The following YBEY variants were observed in gnomAD, a reference collection of about 807,000 sequenced individuals.
The protein encoded by YBEY is endoribonuclease YbeY.
In YBEY, 15 loss-of-function variants were observed where a neutral mutation model predicts 13.5. The ratio of observed to expected loss-of-function variants is 1.11; its 90% CI spans 0.75 to 1.72. The LOEUF (loss-of-function observed/expected upper bound fraction) is 1.72, where lower values mean the gene tolerates loss of function less well. YBEY is among the 40% of genes most tolerant of loss of function. The pLI, the probability that YBEY is intolerant of heterozygous loss-of-function variation, is 0.00. For synonymous variants in YBEY, 101 were observed against 83.1 expected, an observed-to-expected ratio of 1.21 and a Z score of -1.17; for missense variants, 244 against 208.4, an observed-to-expected ratio of 1.17 and a Z score of -1.05.
chr21:46,298,234 C>T (rs1000470171), downstream of YBEY, among the ~76,000 whole-genome samples: 9 of 57,664 alleles, frequency 1.6e-4, no homozygotes, highest in African/African-American at 6.6e-4. Flanking sequence ...GATTCAGGGA[C>T]ATGAAAATGC....
the YBEY span, among the ~76,000 whole-genome samples, chr21:46,308,041 T>C: frequency 6.6e-6 from 1 of 152,014 alleles, no homozygotes; most frequent in Admixed American, 6.5e-5. Flanking sequence ...TCACCCAGGC[T>C]GGAGTACAAA....
intron 2 of YBEY, 118 bp from the exon 3 acceptor site, chr21:46,291,216 A>AAAAAACG: frequency 1.1e-6 from 1 of 915,290 alleles, no homozygotes; most frequent in Non-Finnish European, 1.4e-6. Flanking sequence ...AAAAAAAAAA[A>AAAAAACG]GTGATTTGGC....
the YBEY span, among the ~76,000 whole-genome samples, chr21:46,305,251 C>T: frequency 6.7e-6 from 1 of 149,620 alleles, no homozygotes; most frequent in Non-Finnish European, 1.5e-5. Context: ...CTACAGTTAA[C>T]GCTACTGAAC....
intron 4 of YBEY, 88 bp from the exon 5 acceptor site, chr21:46,297,451 G>C: frequency 8.0e-7 from 1 of 1,244,188 alleles, no homozygotes; most frequent in Non-Finnish European, 1.0e-6. Flanking sequence ...CCCAAACCCT[G>C]TGGGAGGGGC....
At chr21:46,298,631 G>A (rs1316500114), downstream of YBEY, among the ~76,000 whole-genome samples, 3 of 151,622 alleles carry the variant, frequency 2.0e-5, no homozygotes, top group East Asian at 1.9e-4. Flanking sequence ...GGGTTTCACT[G>A]TGTTAGCCAG....
chr21:46,312,002 CCCACCCATCCAT>C, the YBEY span, among the ~76,000 whole-genome samples: 4 of 116,344 alleles, frequency 3.4e-5, no homozygotes, highest in Non-Finnish European at 7.1e-5. Context: ...CACCCATCCA[CCCACCCATCCAT>C]CCACCCATCC....
At chr21:46,287,171 A>G in intron 2 of YBEY, 48 bp downstream of exon 2, 4 of 1,512,910 alleles carry the variant, frequency 2.6e-6, no homozygotes, top group Non-Finnish European at 3.6e-6. Flanking sequence ...TTCCCAGAGT[A>G]AATTTCCTGT....
At chr21:46,286,474 T>C (rs1391451123) in intron 1 of YBEY, 59 bp downstream of exon 1, 1 of 162,064 alleles carries the variant, frequency 6.2e-6, no homozygotes, top group East Asian at 1.9e-4. Context: ...CCCGCGTGGG[T>C]CTGCGGGCGC....
At position 46,296,224 on chromosome 21, in the gene YBEY, G is replaced by A. The variant is rs1290301838; in HGVS notation, c.402G>A (p.Trp134Ter). The A allele has an allele frequency of 6.2e-7, 1 of 1,613,644 alleles. No homozygotes were observed. Among genetic ancestry groups the A allele is most frequent in the Non-Finnish European group, 8.5e-7 (1 of 1,180,018 alleles). ...LGFTHGTEAEWQQMFQKEKAV... is the reference protein window; with the variant it reads ...LGFTHGTEAE ...TCACACACGGCACGGAGGCAGAGTG[G>A]CAGCAGGTAAGGAGCCCATCCATCC... The change falls in exon 4 of 5, where the codon TGG (tryptophan) becomes TGA (stop). Residue 134 changes from tryptophan to a stop codon, truncating the protein, a stop_gained. Transcript: ENST00000397701. LOFTEE classifies it low-confidence loss of function (END_TRUNC).
chr21:46,310,546 C>G, the YBEY span, among the ~76,000 whole-genome samples: 6 of 150,298 alleles, frequency 4.0e-5, no homozygotes, highest in African/African-American at 1.5e-4. Flanking sequence ...CAGTGGCAAA[C>G]GCCTATAATC....
intron 2 of YBEY, among the ~76,000 whole-genome samples, chr21:46,289,441 GTTTTGTT>G (rs2081600890): frequency 7.3e-6 from 1 of 136,520 alleles, no homozygotes; most frequent in South Asian, 2.3e-4. Context: ...GAAGGCAAGG[GTTTTGTT>G]TTTTTTTTTT....
chr21:46,306,302 C>A, the YBEY span, among the ~76,000 whole-genome samples: 2 of 151,968 alleles, frequency 1.3e-5, no homozygotes, highest in Non-Finnish European at 2.9e-5. Context: ...AGGTTCAAGA[C>A]CATCTGGCCA....
At chr21:46,287,739 C>T (rs1017864237) in intron 2 of YBEY, among the ~76,000 whole-genome samples, 4 of 152,070 alleles carry the variant, frequency 2.6e-5, no homozygotes, top group African/African-American at 9.7e-5. Flanking sequence ...ACCCATAATC[C>T]CAGCACTTTG....
chr21:46,286,804 ATCTG>A (rs2081454761), intron 1 of YBEY, 62 bp from the exon 2 acceptor site: 2 of 898,404 alleles, frequency 2.2e-6, no homozygotes, highest in African/African-American at 3.4e-5. Context: ...TTGCGCGTGC[ATCTG>A]TATTTTTACA....
chr21:46,303,742 TATA>T, the YBEY span, among the ~76,000 whole-genome samples: 112 of 19,104 alleles, frequency 5.9e-3, no homozygotes, highest in African/African-American at 0.019. Flanking sequence ...TATATATATA[TATA>T]TTTTTTTTTT....
At chr21:46,301,539 A>G (rs2082108419), downstream of YBEY, 1 of 987,420 alleles carries the variant, frequency 1.0e-6, no homozygotes. Context: ...GGATGTTCAC[A>G]CTTCCATGTG....
downstream of YBEY, among the ~76,000 whole-genome samples, chr21:46,297,946 G>C (rs1209282243): frequency 6.6e-6 from 1 of 152,122 alleles, no homozygotes; most frequent in African/African-American, 2.4e-5. Flanking sequence ...CTTGGGTGCC[G>C]CAGCGCGTCC....
the YBEY span, among the ~76,000 whole-genome samples, chr21:46,308,148 C>T: frequency 2.6e-5 from 4 of 152,052 alleles, no homozygotes; most frequent in Non-Finnish European, 4.4e-5. Context: ...CATGTGCCAC[C>T]GCACCTGCTG....
chr21:46,300,819 A>G (rs2082083012), downstream of YBEY: 1 of 1,275,148 alleles, frequency 7.8e-7, no homozygotes, highest in Middle Eastern at 2.2e-4. Context: ...ATGAAAGTTT[A>G]TGTATACTAC....
Sources: allele counts gnomAD v4.1 joint callset (sites outside exome capture counted in the v4.1 genomes callset), GRCh38; gene constraint gnomAD v4.1.1; transcripts MANE v1.5; gene names NCBI Gene and HGNC (gene_info 2026-07-23, HGNC 2026-07-21).